The following DOCK1 variants were observed in gnomAD, a reference collection of about 807,000 sequenced individuals.
The protein encoded by DOCK1 is dedicator of cytokinesis protein 1.
DOCK1 carries 138 observed loss-of-function variants against 262.7 expected under a neutral mutation model. The observed-to-expected ratio is 0.53, with a 90% CI of 0.46 to 0.61. DOCK1 has a LOEUF of 0.61. Ranked by LOEUF, DOCK1 falls within the 20% of genes least tolerant of loss-of-function variation. The probability of loss-of-function intolerance (pLI) is 0.00; values close to 1 mark genes in which losing one functional copy is unlikely to be tolerated. For synonymous variants in DOCK1, 866 were observed against 867.4 expected (o/e 1.00, Z 0.03); for missense variants, 1,908 against 2,370.7 (o/e 0.80, Z 4.05).
In DOCK1 at chr10:126,916,007, A is replaced by G. The variant is rs1043464434; in HGVS notation, c.46+10444A>G. Among the ~76,000 whole-genome samples the G allele has an allele frequency of 2.6e-5, 4 of 152,250 alleles. No homozygotes were observed. In the East Asian group the frequency reaches 7.7e-4, roughly 29 times the overall value. On this transcript the variant is annotated intron_variant, in intron 1 of 51. Coordinates refer to ENST00000623213, the MANE Select transcript of DOCK1 (RefSeq NM_001290223.2). The stretch of plus-strand genomic sequence containing the variant: ...TGAGAAAGGCTATAAAGTTAAATCA[A>G]GGAGAGCAACAGTGACTTAAAAGTT...
chr10:127,246,485 A>G (rs904037201), intron 27 of DOCK1, among the ~76,000 whole-genome samples: 5 of 152,242 alleles, frequency 3.3e-5, no homozygotes, highest in Non-Finnish European at 7.3e-5. Context: ...AAATATTTAT[A>G]TGTTTCAAAA....
At chr10:127,262,226 G>GTGTA (rs2060197006) in intron 29 of DOCK1, among the ~76,000 whole-genome samples, 1 of 150,980 alleles carries the variant, frequency 6.6e-6, no homozygotes, top group African/African-American at 2.4e-5. Flanking sequence ...GTGTGTGTGT[G>GTGTA]TGTACCCGTG....
intron 28 of DOCK1, 103 bp downstream of exon 28, chr10:127,248,212 A>G: frequency 1.9e-6 from 2 of 1,027,250 alleles, no homozygotes. Context: ...ATTTTGCATG[A>G]GAACTTGTCT....
At position 127,339,016 on chromosome 10, in the gene DOCK1, C is replaced by A; in HGVS notation, c.3055C>A (p.Arg1019=). The change falls in exon 30 of 52, where the codon CGA becomes AGA. Residue 1019 remains arginine (R), a synonymous_variant. Coordinates refer to ENST00000623213, the MANE Select transcript of DOCK1 (RefSeq NM_001290223.2). ...MNMVQNKVFL[R]AINQYADMLN... Reference sequence around the variant, plus strand: ...CTCTTGATCTTTCAGAGTCTTCCTGCGAGCAATTAATCAGTATGCAGATAT... The same window carrying A: ...CTCTTGATCTTTCAGAGTCTTCCTGAGAGCAATTAATCAGTATGCAGATAT... The A allele has an allele frequency of 1.9e-6, 3 of 1,579,722 alleles. No individual in the cohort carries two copies. Among genetic ancestry groups the A allele is most frequent in the Non-Finnish European group, 2.6e-6 (3 of 1,162,370 alleles).
At chr10:127,010,951 AAAAC>A (rs933222809) in intron 11 of DOCK1, among the ~76,000 whole-genome samples, 7 of 152,160 alleles carry the variant, frequency 4.6e-5, no homozygotes, top group African/African-American at 9.7e-5. Context: ...AACAAAAACA[AAAAC>A]AAACCCAACC....
At chr10:127,183,583 G>A (rs988735633) in intron 27 of DOCK1, among the ~76,000 whole-genome samples, 9 of 152,110 alleles carry the variant, frequency 5.9e-5, no homozygotes, top group African/African-American at 2.2e-4. Context: ...AATCCTAACC[G>A]AAGTCTGCAG....
chr10:127,243,944 C>A (rs1040023272), intron 27 of DOCK1, among the ~76,000 whole-genome samples: 5 of 152,104 alleles, frequency 3.3e-5, no homozygotes, highest in African/African-American at 1.2e-4. Flanking sequence ...TTTTCTTGTA[C>A]TATATATTCT....
chr10:127,267,216 A>C (rs981940284), intron 29 of DOCK1, among the ~76,000 whole-genome samples: 1 of 152,222 alleles, frequency 6.6e-6, no homozygotes, highest in African/African-American at 2.4e-5. Flanking sequence ...ATGGTGTATC[A>C]GAGCCCACTG....
At chr10:127,017,832 C>T (rs893226041) in intron 12 of DOCK1, among the ~76,000 whole-genome samples, 1 of 152,140 alleles carries the variant, frequency 6.6e-6, no homozygotes, top group Non-Finnish European at 1.5e-5. Flanking sequence ...CAGCTCAGGC[C>T]GAGCCCCTGC....
intron 27 of DOCK1, among the ~76,000 whole-genome samples, chr10:127,163,406 G>A (rs2053766023): frequency 6.6e-6 from 1 of 152,098 alleles, no homozygotes; most frequent in South Asian, 2.1e-4. Context: ...TCCACGAGAA[G>A]GTCAACACAA....
At chr10:127,362,424 T>A (rs1272231767) in intron 33 of DOCK1, among the ~76,000 whole-genome samples, 1 of 152,202 alleles carries the variant, frequency 6.6e-6, no homozygotes, top group African/African-American at 2.4e-5. Context: ...TATTCTCAAT[T>A]TTTAGCTCTT....
chr10:126,916,980 C>T (rs932634990), intron 1 of DOCK1, among the ~76,000 whole-genome samples: 44 of 142,084 alleles, frequency 3.1e-4, no homozygotes, highest in African/African-American at 1.1e-3. Context: ...GGGAGCTGTG[C>T]GAGGCCAGCG....
At chr10:127,333,361 G>A (rs1369504317) in intron 29 of DOCK1, among the ~76,000 whole-genome samples, 1 of 152,148 alleles carries the variant, frequency 6.6e-6, no homozygotes, top group African/African-American at 2.4e-5. Context: ...TCATCTTTCT[G>A]TTTTATTGGC....
chr10:126,982,990 A>G lies in DOCK1; in HGVS notation c.227+1017A>G, dbSNP rs148965949. ...ATACAAAAGAATATATGTAAAATGT[A>G]ATTATGAAGCATGATAATAAAGTGA... On this transcript the variant is annotated intron_variant, in intron 4 of 51. Transcript: ENST00000623213. Among the ~76,000 whole-genome samples, 464 of 152,352 alleles carry G rather than the reference A, an allele frequency of 3.0e-3. 3 individuals are homozygous for G. Among genetic ancestry groups the G allele is most frequent in the African/African-American group, 0.01 (429 of 41,580 alleles).
chr10:127,274,968 C>T (rs955939468), intron 29 of DOCK1, among the ~76,000 whole-genome samples: 29 of 152,108 alleles, frequency 1.9e-4, no homozygotes, highest in African/African-American at 6.3e-4. Flanking sequence ...GATGTTTCCC[C>T]CAGTGTGGAT....
intron 29 of DOCK1, among the ~76,000 whole-genome samples, chr10:127,321,870 A>G (rs1039437308): frequency 6.6e-6 from 1 of 152,142 alleles, no homozygotes; most frequent in Non-Finnish European, 1.5e-5. Flanking sequence ...TGGGAGGCCA[A>G]GGCGGGCCAA....
At chr10:127,003,077 C>T (rs1035247568) in intron 10 of DOCK1, among the ~76,000 whole-genome samples, 3 of 151,660 alleles carry the variant, frequency 2.0e-5, no homozygotes, top group African/African-American at 7.2e-5. Context: ...CCTGCGTGAA[C>T]CTTTATGAAC....
At chr10:127,056,736 G>C (rs2045181065) in intron 22 of DOCK1, among the ~76,000 whole-genome samples, 1 of 152,066 alleles carries the variant, frequency 6.6e-6, no homozygotes, top group Admixed American at 6.6e-5. Context: ...CCTGAATGTG[G>C]ATCCTGGCTG....
intron 32 of DOCK1, among the ~76,000 whole-genome samples, chr10:127,357,982 A>G (rs1328952070): frequency 2.0e-5 from 3 of 148,674 alleles, no homozygotes; most frequent in Non-Finnish European, 4.4e-5. Context: ...TATACAACCT[A>G]CTTTCTACAT....
Sources: allele counts gnomAD v4.1 joint callset (sites outside exome capture counted in the v4.1 genomes callset), GRCh38; gene constraint gnomAD v4.1.1; transcripts MANE v1.5; gene names NCBI Gene and HGNC (gene_info 2026-07-23, HGNC 2026-07-21).